The following PAK1 variants were observed in gnomAD, a reference collection of about 807,000 sequenced individuals.
The protein encoded by PAK1 is p21 (RAC1) activated kinase 1, also known as serine/threonine-protein kinase PAK 1.
In PAK1, 29 loss-of-function variants were observed where a neutral mutation model predicts 67.4. The ratio of observed to expected loss-of-function variants is 0.43; its 90% CI spans 0.32 to 0.59. PAK1 has a LOEUF of 0.59. PAK1 is among the 20% of genes least tolerant of loss of function. The pLI is 0.07. For synonymous variants in PAK1, 223 were observed against 237.4 expected (o/e 0.94, Z 0.56); for missense variants, 337 against 670.7 (o/e 0.50, Z 5.50).
chr11:77,365,913 T>C (rs918648881), intron 5 of PAK1, among the ~76,000 whole-genome samples: 16 of 151,358 alleles, frequency 1.1e-4, no homozygotes, highest in African/African-American at 3.9e-4. Context: ...CATGAAAATA[T>C]TTAAAGCAAC....
At chr11:77,376,834 G>C (rs1187015136) in intron 4 of PAK1, among the ~76,000 whole-genome samples, 1 of 152,084 alleles carries the variant, frequency 6.6e-6, no homozygotes, top group African/African-American at 2.4e-5. Flanking sequence ...CAGCAAAGGA[G>C]TTAAAGGCCC....
intron 1 of PAK1, among the ~76,000 whole-genome samples, chr11:77,393,023 T>C (rs990136437): frequency 6.6e-6 from 1 of 152,176 alleles, no homozygotes; most frequent in African/African-American, 2.4e-5. Context: ...GAATGGACTG[T>C]ATCAAGGGTC....
At chr11:77,487,480 T>G in the PAK1 span, among the ~76,000 whole-genome samples, 2 of 151,754 alleles carry the variant, frequency 1.3e-5, no homozygotes, top group Non-Finnish European at 2.9e-5. Flanking sequence ...CACAGTAGGG[T>G]AGAGCACCAA....
rs145931354 is a variant in PAK1 at position 77,346,955 on chromosome 11, C to G, written c.885+2284G>C. 57 of 447,718 alleles carry G rather than the reference C, an allele frequency of 1.3e-4. No individual in the cohort carries two copies. The Admixed American group carries it at 1.3e-3, about 10-fold the overall frequency. The allele number at this position is 447,718 out of a possible 1,614,324, so 27.7% of individuals were successfully genotyped here. A position where few individuals can be genotyped will look rare whatever the true frequency, so the allele number is the denominator to read the frequency against. On this transcript the variant is annotated intron_variant, in intron 9 of 14. Transcript: ENST00000356341. The stretch of plus-strand genomic sequence containing the variant: ...TGGATATGTTAACTGGAAGACTTCC[C>G]AGCACTAACATTCTTCCTATATGTG...
At chr11:77,499,988 G>A in the PAK1 span, among the ~76,000 whole-genome samples, 1 of 152,156 alleles carries the variant, frequency 6.6e-6, no homozygotes, top group African/African-American at 2.4e-5. Context: ...AAAGTGGCTG[G>A]AAGACCTCTG....
At chr11:77,352,408 A>G (rs540835118) in intron 8 of PAK1, among the ~76,000 whole-genome samples, 1 of 152,346 alleles carries the variant, frequency 6.6e-6, no homozygotes, top group African/African-American at 2.4e-5. Flanking sequence ...GTTTCAGTCA[A>G]CGATGGACCG....
chr11:77,340,244 T>C (rs1191693235), intron 11 of PAK1, among the ~76,000 whole-genome samples: 3 of 152,130 alleles, frequency 2.0e-5, no homozygotes, highest in African/African-American at 7.2e-5. Flanking sequence ...ATCACTACCT[T>C]CTTACTCTGT....
the PAK1 span, among the ~76,000 whole-genome samples, chr11:77,504,969 CA>C: frequency 6.6e-6 from 1 of 152,186 alleles, no homozygotes; most frequent in Non-Finnish European, 1.5e-5. Flanking sequence ...AGATACTTGC[CA>C]CCAGATCACA....
the PAK1 span, among the ~76,000 whole-genome samples, chr11:77,491,887 C>T: frequency 6.6e-6 from 1 of 152,122 alleles, no homozygotes; most frequent in South Asian, 2.1e-4. Flanking sequence ...CAGTCAAAGA[C>T]ATAAGAGTGG....
chr11:77,443,203 G>A (rs1956437139), intron 1 of PAK1, among the ~76,000 whole-genome samples: 1 of 150,942 alleles, frequency 6.6e-6, no homozygotes, highest in Non-Finnish European at 1.5e-5. Flanking sequence ...CACGCCTGTA[G>A]TCTCAGGATG....
chr11:77,502,572 AGT>A, the PAK1 span, among the ~76,000 whole-genome samples: 2 of 152,224 alleles, frequency 1.3e-5, no homozygotes, highest in African/African-American at 4.8e-5. Flanking sequence ...CCACTGTAGT[AGT>A]GTCAGTCTTC....
the PAK1 span, among the ~76,000 whole-genome samples, chr11:77,484,255 G>T: frequency 6.6e-6 from 1 of 150,886 alleles, no homozygotes; most frequent in African/African-American, 2.4e-5. Context: ...GATGAACAGA[G>T]ATAAGTAGAG....
chr11:77,329,982 C>T (rs1387054132), intron 14 of PAK1, among the ~76,000 whole-genome samples: 1 of 151,804 alleles, frequency 6.6e-6, no homozygotes, highest in Non-Finnish European at 1.5e-5. Context: ...CATTCTTATA[C>T]ACCAATGACA....
At position 77,465,801 on chromosome 11, in the gene PAK1, T is replaced by C. The variant is rs115158083; in HGVS notation, c.-22+7751A>G. 3.1e-3 allele frequency among the ~76,000 whole-genome samples: 472 copies of C among 151,982 alleles called. 4 individuals carry two copies. Among genetic ancestry groups the C allele is most frequent in the African/African-American group, 0.011 (441 of 41,464 alleles). ...CCTGTCTCTACAAAAAATACAAAAATTAGCTGGGCTTAGTAGCATGCCCCT... is the reference window on the plus strand; with the variant it reads ...CCTGTCTCTACAAAAAATACAAAAACTAGCTGGGCTTAGTAGCATGCCCCT... On this transcript the variant is annotated intron_variant, in intron 1 of 14. Transcript: ENST00000356341.
intron 14 of PAK1, among the ~76,000 whole-genome samples, chr11:77,330,441 A>G (rs1440338890): frequency 3.9e-5 from 6 of 152,234 alleles, no homozygotes; most frequent in Non-Finnish European, 5.9e-5. Flanking sequence ...ACAGAGATAT[A>G]GACCAATGGA....
At chr11:77,443,607 A>C (rs1956461686) in intron 1 of PAK1, among the ~76,000 whole-genome samples, 1 of 152,194 alleles carries the variant, frequency 6.6e-6, no homozygotes, top group African/African-American at 2.4e-5. Context: ...GAAAACTGAA[A>C]CTTAAGAGGT....
chr11:77,503,965 C>T, the PAK1 span, among the ~76,000 whole-genome samples: 1 of 152,182 alleles, frequency 6.6e-6, no homozygotes, highest in East Asian at 1.9e-4. Flanking sequence ...GATCTCAACT[C>T]ATTGCAGTCT....
intron 5 of PAK1, among the ~76,000 whole-genome samples, chr11:77,366,932 G>C (rs1947671146): frequency 6.6e-6 from 1 of 152,070 alleles, no homozygotes; most frequent in African/African-American, 2.4e-5. Flanking sequence ...CAAAAAGTAG[G>C]AACAACCCAA....
chr11:77,457,634 G>A (rs1314504726), intron 1 of PAK1, among the ~76,000 whole-genome samples: 5 of 152,156 alleles, frequency 3.3e-5, no homozygotes, highest in Non-Finnish European at 5.9e-5. Context: ...GTCAGGCATG[G>A]CATTTGGTCC....
Sources: allele counts gnomAD v4.1 joint callset (sites outside exome capture counted in the v4.1 genomes callset), GRCh38; gene constraint gnomAD v4.1.1; transcripts MANE v1.5; gene names NCBI Gene and HGNC (gene_info 2026-07-23, HGNC 2026-07-21).